The following GABRA4 variants were observed in gnomAD, a reference collection of about 807,000 sequenced individuals.
GABRA4 encodes the protein gamma-aminobutyric acid receptor subunit alpha-4.
GABRA4 carries 12 observed loss-of-function variants against 49.7 expected under a neutral mutation model. That is an observed-to-expected ratio of 0.24 (90% CI 0.15 to 0.39). The LOEUF (loss-of-function observed/expected upper bound fraction) is 0.39. Ranked by LOEUF, GABRA4 falls within the 10% of genes least tolerant of loss-of-function variation. GABRA4 has a pLI of 1.00. For missense variants in GABRA4, 506 were observed against 686.0 expected (o/e 0.74, Z 2.93); for synonymous variants, 288 against 240.2 (o/e 1.20, Z -1.84).
At chr4:46,957,286 A>AC in intron 8 of GABRA4, among the ~76,000 whole-genome samples, 1 of 151,634 alleles carries the variant, frequency 6.6e-6, no homozygotes, top group South Asian at 2.1e-4. Flanking sequence ...AAATACAAAA[A>AC]AAATTATCAT....
intron 8 of GABRA4, among the ~76,000 whole-genome samples, chr4:46,930,425 A>G (rs372214639): frequency 2.0e-5 from 3 of 152,186 alleles, no homozygotes; most frequent in East Asian, 3.9e-4. Context: ...TACATGGTGA[A>G]TAACATAAAA....
rs1721032410 is a variant in GABRA4 at position 46,921,495 on chromosome 4, A to G, written c.*6730T>C. On this transcript the variant is annotated 3_prime_UTR_variant, in exon 9 of 9. Transcript: ENST00000264318. ...AAAATGTAAAAAGAATTTATTTTTT[A>G]TACAGGAGTTCTTTCTATCAGCTTC... 1 of 152,088 alleles carries G rather than the reference A, an allele frequency of 6.6e-6. No homozygotes were observed. The highest frequency in any genetic ancestry group is 2.4e-5 in the African/African-American group (1 of 41,428). 9.4% of individuals were successfully genotyped at this position (152,088 alleles called of 1,614,324 possible).
At chr4:46,979,255 T>C (rs1372580622) in intron 2 of GABRA4, among the ~76,000 whole-genome samples, 157 bp from the exon 3 acceptor site, 9 of 152,070 alleles carry the variant, frequency 5.9e-5, no homozygotes, top group African/African-American at 1.9e-4. Context: ...AAAACAAATG[T>C]AGACCAAAGC....
Position 46,925,856 on chromosome 4 carries a change from T to A in GABRA4, c.*2369A>T, listed in dbSNP as rs180932227. ...TGTTCTTCAAATTAACAATTAAGAA[T>A]CCTTGGTTAATTCTGTCCTTTCTCA... is the stretch of plus-strand genomic sequence containing the variant. On this transcript the variant is annotated 3_prime_UTR_variant, in exon 9 of 9. Transcript: ENST00000264318. 15 of 150,898 alleles carry A rather than the reference T, an allele frequency of 9.9e-5. 1 individual carries two copies. The highest frequency in any genetic ancestry group is 3.4e-4 in the African/African-American group (14 of 41,334). 9.3% of individuals were successfully genotyped at this position (150,898 alleles called of 1,614,324 possible). A position where few individuals can be genotyped will look rare whatever the true frequency, so the allele number is the denominator to read the frequency against.
intron 2 of GABRA4, among the ~76,000 whole-genome samples, chr4:46,982,520 A>G (rs1405050717): frequency 6.6e-6 from 1 of 151,986 alleles, no homozygotes; most frequent in African/African-American, 2.4e-5. Flanking sequence ...TTAATTTCCT[A>G]TTGTTTAAGC....
In GABRA4 at chr4:46,928,236, T is replaced by C; in HGVS notation, c.1654A>G (p.Ser552Gly). 6.2e-7 allele frequency: 1 copy of C among 1,606,226 alleles called. No individual in the cohort carries two copies. The highest frequency in any genetic ancestry group is 8.5e-7 in the Non-Finnish European group (1 of 1,175,768). The change falls in exon 9 of 9, where the codon AGT (serine) becomes GGT (glycine). Residue 552 changes from serine (S) to glycine (G), a missense_variant. Around this residue, in one of 5 missense-constraint regions of GABRA4, gnomAD observed 29 missense variants for 25.1 expected, o/e 1.16. Transcript: ENST00000264318. ...CTATAGCAACGAAATTACATTAGAC[T>C]TTCTGATTTCTCCATAGTGTCCTTA... is the stretch of plus-strand genomic sequence containing the variant. ...LSKDTMEKSE[S>G]LM is the part of the protein sequence containing the mutation.
intron 8 of GABRA4, among the ~76,000 whole-genome samples, chr4:46,951,050 TA>T (rs1388166124): frequency 1.3e-5 from 2 of 151,886 alleles, no homozygotes; most frequent in African/African-American, 4.8e-5. Flanking sequence ...ACCGGCATAA[TA>T]AAACTAAGGC....
At chr4:46,932,656 A>G (rs897616732) in intron 8 of GABRA4, among the ~76,000 whole-genome samples, 3 of 152,176 alleles carry the variant, frequency 2.0e-5, no homozygotes, top group Non-Finnish European at 4.4e-5. Context: ...TCAAGTTAAC[A>G]TATTCAATTA....
At chr4:46,933,184 G>T (rs888907789) in intron 8 of GABRA4, among the ~76,000 whole-genome samples, 3 of 152,080 alleles carry the variant, frequency 2.0e-5, no homozygotes, top group Non-Finnish European at 4.4e-5. Flanking sequence ...ATGAGCTAGA[G>T]TATAAAGACT....
intron 8 of GABRA4, among the ~76,000 whole-genome samples, chr4:46,963,804 G>C (rs748481616): frequency 8.6e-5 from 13 of 151,664 alleles, no homozygotes; most frequent in Non-Finnish European, 1.5e-4. Flanking sequence ...GCAGGCAATA[G>C]CAAACACTGG....
In GABRA4 at chr4:46,974,440, A is replaced by T. The variant is rs1364087756; in HGVS notation, c.578-65T>A. 2.1e-6 allele frequency: 3 copies of T among 1,409,710 alleles called. No individual in the cohort carries two copies. The African/African-American group carries it at 4.3e-5, about 20-fold the overall frequency. The allele number at this position is 1,409,710 out of a possible 1,614,324, so 87.3% of individuals were successfully genotyped here. On this transcript the variant is annotated intron_variant, in intron 5 of 8. Coordinates refer to ENST00000264318, the MANE Select transcript of GABRA4 (RefSeq NM_000809.4). The stretch of plus-strand genomic sequence containing the variant: ...TTTTTCATCCACATCAGTGGTCAAC[A>T]CTTAAAAACAGTACTTGTTCAAGAA...
At chr4:46,929,969 A>G (rs979466590) in intron 8 of GABRA4, among the ~76,000 whole-genome samples, 9 of 152,198 alleles carry the variant, frequency 5.9e-5, no homozygotes, top group African/African-American at 2.2e-4. Flanking sequence ...ATTAATTGAA[A>G]TCTCACTTTA....
intron 2 of GABRA4, among the ~76,000 whole-genome samples, chr4:46,984,209 C>T (rs1414837207): frequency 6.6e-6 from 1 of 151,996 alleles, no homozygotes; most frequent in Admixed American, 6.6e-5. Flanking sequence ...ATATTGCCTC[C>T]CCAGCCATGC....
rs1723818984 is a variant in GABRA4 at position 46,992,954 on chromosome 4, CG to C, written c.87-9del. ...CCTGGGGATTCGTTTAAACTGCAAG[CG>C]AAAAAAAAAAAACCGGGGGCGGAGG... On this transcript the variant is annotated splice_polypyrimidine_tract_variant and intron_variant, in intron 1 of 8. Coordinates refer to ENST00000264318, the MANE Select transcript of GABRA4 (RefSeq NM_000809.4). 2 of 1,399,204 alleles carry C rather than the reference CG, an allele frequency of 1.4e-6. No homozygotes were observed. Among genetic ancestry groups the C allele is most frequent in the Admixed American group, 2.2e-5 (1 of 46,032 alleles). The allele number at this position is 1,399,204 out of a possible 1,614,324, so 86.7% of individuals were successfully genotyped here.
chr4:46,946,684 A>G (rs1721992026), intron 8 of GABRA4, among the ~76,000 whole-genome samples: 1 of 152,152 alleles, frequency 6.6e-6, no homozygotes. Flanking sequence ...ACCTAGTACA[A>G]CGCCTGGCAC....
At chr4:46,973,773 C>T (rs1723038494) in intron 6 of GABRA4, among the ~76,000 whole-genome samples, 1 of 151,638 alleles carries the variant, frequency 6.6e-6, no homozygotes, top group African/African-American at 2.4e-5. Flanking sequence ...AATGTATACC[C>T]ATAATATACT....
At chr4:46,986,114 T>C (rs1168935438) in intron 2 of GABRA4, among the ~76,000 whole-genome samples, 6 of 152,072 alleles carry the variant, frequency 3.9e-5, no homozygotes, top group Non-Finnish European at 5.9e-5. Flanking sequence ...TAGGGTCCAC[T>C]TCCTTTTGTC....
rs1440712637 is a variant in GABRA4, at chr4:46,928,481, A to G, written c.1409T>C (p.Val470Ala). The change falls in exon 9 of 9, where the codon GTT becomes GCT. Residue 470 changes from valine (V) to alanine (A), a missense_variant. Physicochemically the swap from Val to Ala is moderately conservative, Grantham distance 64. This residue lies in a region of GABRA4 where 243 missense variants were observed against 210.8 expected (regional missense o/e 1.15). Transcript: ENST00000264318. Reference sequence around the variant, plus strand: ...CACGTGACGAGTAGAAGCAGATCCAACTGAAGCCTTTCGAGGCATATATCC... The same window carrying G: ...CACGTGACGAGTAGAAGCAGATCCAGCTGAAGCCTTTCGAGGCATATATCC... ...RTGYMPRKASVGSASTRHVFG... is the reference protein window; with the variant it reads ...RTGYMPRKASAGSASTRHVFG... The G allele has an allele frequency of 1.2e-6, 2 of 1,613,646 alleles. No homozygotes were observed. Among genetic ancestry groups the G allele is most frequent in the African/African-American group, 1.3e-5 (1 of 75,014 alleles).
At chr4:46,942,216 C>T (rs1009748837) in intron 8 of GABRA4, among the ~76,000 whole-genome samples, 6 of 152,040 alleles carry the variant, frequency 3.9e-5, no homozygotes, top group East Asian at 1.9e-4. Flanking sequence ...ATGGAACATC[C>T]ACTCATGAGA....
Sources: gnomAD v4.1 joint callset for allele counts (sites outside exome capture counted in the v4.1 genomes callset) on GRCh38, gnomAD v4.1.1 for gene constraint, gnomAD v4.1.1 regional missense constraint, MANE v1.5 for transcripts, NCBI Gene and HGNC (gene_info 2026-07-23, HGNC 2026-07-21) for gene names.